NEDD1: variants seen among roughly 807,000 people sequenced by gnomAD.
The protein encoded by NEDD1 is protein NEDD1.
In NEDD1, 33 loss-of-function variants were observed where a neutral mutation model predicts 74.0. The observed-to-expected ratio is 0.45, with a 90% CI of 0.34 to 0.60. NEDD1 has a LOEUF of 0.60. NEDD1 is among the 20% of genes least tolerant of loss of function. The pLI, the probability that NEDD1 is intolerant of heterozygous loss-of-function variation, is 0.01. For synonymous variants in NEDD1, 250 were observed against 264.4 expected (o/e 0.95, Z 0.53); for missense variants, 746 against 776.5 (o/e 0.96, Z 0.47).
At position 96,909,915 on chromosome 12, in the gene NEDD1, AACACACAC is replaced by A. The variant is rs75007264; in HGVS notation, c.136+32_136+39del. On this transcript the variant is annotated intron_variant, in intron 3 of 15. Coordinates refer to ENST00000266742, the MANE Select transcript of NEDD1 (RefSeq NM_152905.4). ...GCAATAGTATCCTTTAAAAAAAAAA[AACACACAC>A]ACACACACACAAACCGCTTATTAGG... 56 of 1,343,654 alleles carry A rather than the reference AACACACAC, an allele frequency of 4.2e-5. No individual in the cohort carries two copies. In the East Asian group the frequency reaches 1.4e-3, roughly 33 times the overall value. The allele number at this position is 1,343,654 out of a possible 1,614,324, so 83.2% of individuals were successfully genotyped here. A position where few individuals can be genotyped will look rare whatever the true frequency, so the allele number is the denominator to read the frequency against.
At chr12:96,947,041 A>C (rs971788552) in intron 14 of NEDD1, among the ~76,000 whole-genome samples, 1 of 152,132 alleles carries the variant, frequency 6.6e-6, no homozygotes, top group African/African-American at 2.4e-5. Flanking sequence ...GTATTATTCA[A>C]TAATTATCTA....
intron 6 of NEDD1, among the ~76,000 whole-genome samples, chr12:96,931,620 C>G (rs1187885052): frequency 2.6e-5 from 4 of 152,052 alleles, no homozygotes; most frequent in African/African-American, 4.8e-5. Context: ...GGATAGTAAT[C>G]AGAGTACTTG....
At chr12:96,930,141 T>C (rs1446885229) in intron 6 of NEDD1, among the ~76,000 whole-genome samples, 3 of 149,788 alleles carry the variant, frequency 2.0e-5, no homozygotes, top group Non-Finnish European at 4.4e-5. Context: ...TCATCTAGTT[T>C]ATTATCTGTT....
Position 96,951,936 on chromosome 12 carries a change from C to T in NEDD1, c.1879-13C>T, listed in dbSNP as rs1189556605. The T allele has an allele frequency of 7.4e-7, 1 of 1,353,992 alleles. No individual in the cohort carries two copies. The highest frequency in any genetic ancestry group is 1.2e-5 in the South Asian group (1 of 84,710). The allele number at this position is 1,353,992 out of a possible 1,614,324, so 83.9% of individuals were successfully genotyped here. On this transcript the variant is annotated splice_polypyrimidine_tract_variant and intron_variant, in intron 15 of 15. Transcript: ENST00000266742. ...ATATCAATAATTTAAAAAGCATTTT[C>T]CTGTTTTTCTAGAATGAAATGCATT...
At chr12:96,942,989 A>G (rs758168534) in intron 11 of NEDD1, among the ~76,000 whole-genome samples, 2 of 152,044 alleles carry the variant, frequency 1.3e-5, no homozygotes, top group Non-Finnish European at 2.9e-5. Context: ...GGTGAACAAG[A>G]GAATTCGAGA....
intron 6 of NEDD1, among the ~76,000 whole-genome samples, chr12:96,930,982 AGT>A (rs1402094022): frequency 3.3e-5 from 5 of 152,328 alleles, no homozygotes; most frequent in African/African-American, 1.2e-4. Context: ...TGAAGATGTT[AGT>A]TACTGCAACA....
chr12:96,951,889 T>C, intron 15 of NEDD1, 60 bp from the exon 16 acceptor site: 1 of 894,620 alleles, frequency 1.1e-6, no homozygotes, highest in South Asian at 1.4e-5. Context: ...ATATTAAACA[T>C]AGCCTGCCAA....
At chr12:96,942,496 T>C (rs1592924006) in intron 10 of NEDD1, 81 bp from the exon 11 acceptor site, 6 of 743,526 alleles carry the variant, frequency 8.1e-6, no homozygotes, top group Middle Eastern at 2.6e-4. Context: ...CTCTGAACTC[T>C]TTGGGGAATG....
intron 4 of NEDD1, among the ~76,000 whole-genome samples, chr12:96,917,308 A>G (rs918599295): frequency 8.5e-5 from 13 of 152,204 alleles, no homozygotes; most frequent in African/African-American, 2.9e-4. Context: ...AAGAGGAGAT[A>G]GGATGGGCAA....
chr12:96,924,874 A>G lies in NEDD1; in HGVS notation c.489+4749A>G, dbSNP rs114938913. On this transcript the variant is annotated intron_variant, in intron 6 of 15. Coordinates refer to ENST00000266742, the MANE Select transcript of NEDD1 (RefSeq NM_152905.4). ...TTGAATAGAAGTGATGATAGTGGACATCTTTATTTTGTCCCCAAATTCTGG... is the reference window on the plus strand; with the variant it reads ...TTGAATAGAAGTGATGATAGTGGACGTCTTTATTTTGTCCCCAAATTCTGG... 1,128 of 450,218 alleles carry G rather than the reference A, an allele frequency of 2.5e-3. 5 individuals are homozygous for G. Among genetic ancestry groups the G allele is most frequent in the African/African-American group, 0.02 (1,004 of 49,882 alleles). The allele number at this position is 450,218 out of a possible 1,614,324, so 27.9% of individuals were successfully genotyped here.
chr12:96,907,829 C>T lies in NEDD1; in HGVS notation c.-36C>T. Reference sequence around the variant, plus strand: ...TGAGGGACTCATGTAAAGTCTCTCCCTTAATGCTCAGTTCTTAGAAGACCG... The same window carrying T: ...TGAGGGACTCATGTAAAGTCTCTCCTTTAATGCTCAGTTCTTAGAAGACCG... On this transcript the variant is annotated 5_prime_UTR_variant, in exon 2 of 16. Coordinates refer to ENST00000266742, the MANE Select transcript of NEDD1 (RefSeq NM_152905.4). 1 of 1,429,158 alleles carries T rather than the reference C, an allele frequency of 7.0e-7. No homozygotes were observed. The highest frequency in any genetic ancestry group is 9.2e-7 in the Non-Finnish European group (1 of 1,090,488). 88.5% of individuals were successfully genotyped at this position (1,429,158 alleles called of 1,614,324 possible).
chr12:96,947,460 G>A (rs2136623782), intron 14 of NEDD1, among the ~76,000 whole-genome samples: 1 of 152,294 alleles, frequency 6.6e-6, no homozygotes, highest in Middle Eastern at 3.4e-3. Context: ...ACCGTGGTAA[G>A]AGACCAGGCC....
intron 12 of NEDD1, 59 bp downstream of exon 12, chr12:96,943,821 G>A: frequency 9.1e-7 from 1 of 1,097,130 alleles, no homozygotes; most frequent in Non-Finnish European, 1.4e-6. Context: ...GAAAGTGGGT[G>A]GCTGCCAGTG....
chr12:96,944,635 A>G lies in NEDD1; in HGVS notation c.1498-4A>G, dbSNP rs781445708. The G allele has an allele frequency of 9.7e-6, 15 of 1,553,064 alleles. No individual in the cohort carries two copies. Among genetic ancestry groups the G allele is most frequent in the Non-Finnish European group, 1.3e-5 (15 of 1,138,196 alleles). ...TAAAGTCATTATTTATTTTAAATAT[A>G]AAGTTAGCAAAGTTGGTCACATCTG... On this transcript the variant is annotated splice_region_variant and splice_polypyrimidine_tract_variant and intron_variant, in intron 12 of 15. Coordinates refer to ENST00000266742, the MANE Select transcript of NEDD1 (RefSeq NM_152905.4).
At chr12:96,930,509 A>G (rs962994161) in intron 6 of NEDD1, among the ~76,000 whole-genome samples, 7 of 152,108 alleles carry the variant, frequency 4.6e-5, no homozygotes, top group African/African-American at 1.7e-4. Flanking sequence ...AATGTTGTCT[A>G]CCAGGGAAGC....
At position 96,936,719 on chromosome 12, in the gene NEDD1, T is replaced by C; in HGVS notation, c.828T>C (p.Asp276=). 2 of 1,613,324 alleles carry C rather than the reference T, an allele frequency of 1.2e-6. No homozygotes were observed. The highest frequency in any genetic ancestry group is 1.7e-6 in the Non-Finnish European group (2 of 1,179,324). Residue 276 remains aspartate, a synonymous_variant, in exon 8 of 16, where the codon GAT becomes GAC. Coordinates refer to ENST00000266742, the MANE Select transcript of NEDD1 (RefSeq NM_152905.4). ...CCCGGGGGAAAATATATCAATATGA[T>C]TTAAGAATGTTGAAATCACCAGTTA... The part of the protein sequence containing the change: ...GSSRGKIYQY[D]LRMLKSPVKT...
chr12:96,949,614 A>G (rs1194461585), intron 14 of NEDD1, among the ~76,000 whole-genome samples: 2 of 152,148 alleles, frequency 1.3e-5, no homozygotes, highest in African/African-American at 4.8e-5. Context: ...TCAGAGAAGA[A>G]TAAGGTTGAA....
intron 3 of NEDD1, among the ~76,000 whole-genome samples, chr12:96,912,407 A>G (rs1035649779): frequency 2.6e-5 from 4 of 152,158 alleles, no homozygotes; most frequent in African/African-American, 9.7e-5. Flanking sequence ...TGCTTTTATC[A>G]TGCTCTCATT....
At chr12:96,942,691 A>C in intron 11 of NEDD1, 67 bp downstream of exon 11, 1 of 792,230 alleles carries the variant, frequency 1.3e-6, no homozygotes, top group East Asian at 2.5e-5. Context: ...GCTGTGTAAC[A>C]AATCTCTCCA....
Sources: gnomAD v4.1 joint callset for allele counts (sites outside exome capture counted in the v4.1 genomes callset) on GRCh38, gnomAD v4.1.1 for gene constraint, MANE v1.5 for transcripts, NCBI Gene and HGNC (gene_info 2026-07-23, HGNC 2026-07-21) for gene names.